LHPP: variants seen among roughly 807,000 people sequenced by gnomAD.
LHPP encodes phospholysine phosphohistidine inorganic pyrophosphate phosphatase, also known as hLHPP.
A neutral mutation model predicts 30.3 loss-of-function variants in LHPP; 24 were observed. The observed-to-expected ratio is 0.79, with a 90% CI of 0.57 to 1.11. The LOEUF (loss-of-function observed/expected upper bound fraction) is 1.11. Ranked by LOEUF, LHPP falls within the 50% of genes most tolerant of loss-of-function variation. LHPP has a pLI of 0.00. For synonymous variants in LHPP, 150 were observed against 157.1 expected (o/e 0.95, Z 0.34); for missense variants, 356 against 367.2 (o/e 0.97, Z 0.25).
intron 6 of LHPP, among the ~76,000 whole-genome samples, chr10:124,599,594 T>C (rs538884725): frequency 2.0e-5 from 3 of 152,358 alleles, no homozygotes; most frequent in African/African-American, 7.2e-5. Flanking sequence ...AGCCTGGCTA[T>C]GGGAGGCCCA....
At chr10:124,558,313 GCACTCCCAGTGGGCCC>G (rs1490611990) in intron 6 of LHPP, among the ~76,000 whole-genome samples, 1 of 152,184 alleles carries the variant, frequency 6.6e-6, no homozygotes, top group Non-Finnish European at 1.5e-5. Flanking sequence ...CACCTAGTTG[GCACTCCCAGTGGGCCC>G]CACGAGCCGC....
At chr10:124,491,335 T>G (rs61861933) in intron 3 of LHPP, among the ~76,000 whole-genome samples, 10,075 of 152,320 alleles carry the variant, frequency 0.066, 466 homozygotes, top group Middle Eastern at 0.16. Flanking sequence ...CTCTGCTTGC[T>G]GTACGGGACC....
intron 6 of LHPP, among the ~76,000 whole-genome samples, chr10:124,581,232 C>T (rs536660334): frequency 6.6e-6 from 1 of 152,222 alleles, no homozygotes; most frequent in Non-Finnish European, 1.5e-5. Context: ...TGTATCAGGA[C>T]TTCATTTCTT....
At chr10:124,467,965 C>T (rs746102790) in intron 1 of LHPP, among the ~76,000 whole-genome samples, 2 of 152,170 alleles carry the variant, frequency 1.3e-5, no homozygotes, top group African/African-American at 2.4e-5. Context: ...TCGCCTGGGC[C>T]TCCCAAAGTG....
At chr10:124,482,497 G>A (rs1433439458) in intron 1 of LHPP, among the ~76,000 whole-genome samples, 1 of 152,064 alleles carries the variant, frequency 6.6e-6, no homozygotes, top group Admixed American at 6.5e-5. Context: ...TCTTTTCCAC[G>A]AGTCCACACT....
At chr10:124,500,159 A>G (rs1472124972) in intron 5 of LHPP, among the ~76,000 whole-genome samples, 8 of 151,794 alleles carry the variant, frequency 5.3e-5, no homozygotes, top group African/African-American at 1.9e-4. Context: ...CCTTTCTTCT[A>G]TCCTCTTTTT....
chr10:124,593,524 T>C lies in LHPP; in HGVS notation c.717-19740T>C, dbSNP rs10794160. Among the ~76,000 whole-genome samples, 142,928 of 152,240 alleles carry C rather than the reference T, an allele frequency of 0.94. 67,685 individuals are homozygous for C. Among genetic ancestry groups the C allele is most frequent in the East Asian group, 1 (5,162 of 5,162 alleles). ...ACTGGGGTCCTTGTTCTAGCCCCCG[T>C]GTGTTGGCTGCATGACCCGAACTTT... On this transcript the variant is annotated intron_variant, in intron 6 of 6. Transcript: ENST00000368842. This position sits in a 1 kb window ranked among gnomAD's most constrained non-coding sequence, Gnocchi z 4.9.
intron 6 of LHPP, among the ~76,000 whole-genome samples, chr10:124,549,587 A>T (rs1955428631): frequency 6.6e-6 from 1 of 152,236 alleles, no homozygotes; most frequent in Admixed American, 6.5e-5. Context: ...AAACCTTAAC[A>T]GTTCATAGAA....
At chr10:124,475,900 A>G (rs982551258) in intron 1 of LHPP, among the ~76,000 whole-genome samples, 1 of 152,008 alleles carries the variant, frequency 6.6e-6, no homozygotes, top group East Asian at 1.9e-4. Context: ...GAAATGAGAC[A>G]CTCGGGCTGT....
intron 6 of LHPP, among the ~76,000 whole-genome samples, chr10:124,583,607 G>A (rs1948768231): frequency 1.3e-5 from 2 of 152,242 alleles, no homozygotes; most frequent in South Asian, 4.1e-4. Context: ...CAATCACAGT[G>A]GAAGGCAAAG....
chr10:124,587,398 T>A (rs1314754556), intron 6 of LHPP, among the ~76,000 whole-genome samples: 1 of 151,870 alleles, frequency 6.6e-6, no homozygotes. Context: ...CCATGTCCCC[T>A]CCACTTCTAC....
chr10:124,512,992 C>T (rs1306072747), intron 5 of LHPP, among the ~76,000 whole-genome samples: 6 of 152,292 alleles, frequency 3.9e-5, no homozygotes, highest in South Asian at 2.1e-4. Flanking sequence ...TCATAGTCAT[C>T]GTTTCATTTT....
At chr10:124,550,905 G>T (rs1948151414) in intron 6 of LHPP, among the ~76,000 whole-genome samples, 1 of 152,190 alleles carries the variant, frequency 6.6e-6, no homozygotes, top group African/African-American at 2.4e-5. Context: ...CCAGCCCTGG[G>T]TCCCACAGAG....
chr10:124,524,103 T>A (rs1346647614), intron 6 of LHPP, among the ~76,000 whole-genome samples: 1 of 152,004 alleles, frequency 6.6e-6, no homozygotes, highest in Non-Finnish European at 1.5e-5. Flanking sequence ...AACTCAGTGG[T>A]TTTCATACAT....
intron 5 of LHPP, among the ~76,000 whole-genome samples, chr10:124,516,392 C>T (rs995061396): frequency 3.3e-5 from 5 of 152,202 alleles, no homozygotes; most frequent in African/African-American, 1.2e-4. Context: ...GGCCCTGTCT[C>T]CAAATACAGT....
At chr10:124,609,810 C>T (rs776692156) in intron 6 of LHPP, among the ~76,000 whole-genome samples, 15 of 152,194 alleles carry the variant, frequency 9.9e-5, no homozygotes, top group Non-Finnish European at 1.6e-4. Context: ...CCCCCATTGC[C>T]GCGGCAGGAA....
At chr10:124,553,839 C>T (rs1457859215) in intron 6 of LHPP, 1 of 968,254 alleles carries the variant, frequency 1.0e-6, no homozygotes, top group African/African-American at 1.8e-5. Flanking sequence ...CCGGGCCAGG[C>T]CCCTCCTCTG....
intron 5 of LHPP, among the ~76,000 whole-genome samples, chr10:124,500,181 A>G (rs1953856992): frequency 6.6e-6 from 1 of 151,962 alleles, no homozygotes; most frequent in Non-Finnish European, 1.5e-5. Context: ...TTCCTTTTAA[A>G]AAATTTACTG....
At position 124,491,340 on chromosome 10, in the gene LHPP, G is replaced by A. The variant is rs191413116; in HGVS notation, c.467+2765G>A. 4.1e-3 allele frequency among the ~76,000 whole-genome samples: 624 copies of A among 152,290 alleles called. 1 individual carries two copies. Among genetic ancestry groups the A allele is most frequent in the Middle Eastern group, 0.014 (4 of 294 alleles). ...CGCTCACTGCCTCTGCTTGCTGTAC[G>A]GGACCAGCTGATGGAACCGACAGGG... is the stretch of plus-strand genomic sequence containing the variant. On this transcript the variant is annotated intron_variant, in intron 3 of 6. Transcript: ENST00000368842.
Sources: gnomAD v4.1 joint callset for allele counts (sites outside exome capture counted in the v4.1 genomes callset) on GRCh38, gnomAD v4.1.1 for gene constraint, Gnocchi (gnomAD v3.1) non-coding constraint, MANE v1.5 for transcripts, NCBI Gene and HGNC (gene_info 2026-07-23, HGNC 2026-07-21) for gene names.